WDR7: variants seen among roughly 807,000 people sequenced by gnomAD.
WDR7 encodes WD repeat-containing protein 7.
In WDR7, 46 loss-of-function variants were observed where a neutral mutation model predicts 169.4. The observed-to-expected ratio is 0.27, with a 90% CI of 0.21 to 0.35. WDR7 has a LOEUF of 0.35. WDR7 is among the 10% of genes least tolerant of loss of function. The pLI, the probability that WDR7 is intolerant of heterozygous loss-of-function variation, is 1.00. For missense variants in WDR7, 1,534 were observed against 1,859.3 expected (o/e 0.83, Z 3.22); for synonymous variants, 612 against 666.8 (o/e 0.92, Z 1.27).
At chr18:56,682,643 A>G (rs762415348) in intron 4 of WDR7, 36 bp from the exon 5 acceptor site, 144 of 1,594,792 alleles carry the variant, frequency 9.0e-5, no homozygotes, top group Non-Finnish European at 2.6e-5. Flanking sequence ...AAAGGAGAAC[A>G]CTCAGAAATC....
Position 56,820,339 on chromosome 18 carries a change from CAAA to C in WDR7, c.3304+4218_3304+4220del, listed in dbSNP as rs386387798. ...AAGGGTCAAGAGTCACTGACATTGT[CAAA>C]AAAAAAAAAAAAAAAAAAAAAACCA... is the stretch of plus-strand genomic sequence containing the variant. On this transcript the variant is annotated intron_variant, in intron 20 of 27. Transcript: ENST00000254442. 2.8e-3 allele frequency among the ~76,000 whole-genome samples: 118 copies of C among 42,480 alleles called. 2 individuals carry two copies. Among genetic ancestry groups the C allele is most frequent in the African/African-American group, 0.013 (106 of 8,006 alleles). 27.9% of individuals were successfully genotyped at this position (42,480 alleles called of 152,430 possible). A position where few individuals can be genotyped will look rare whatever the true frequency, so the allele number is the denominator to read the frequency against.
chr18:56,947,217 C>T (rs2047116358), intron 25 of WDR7, among the ~76,000 whole-genome samples: 1 of 152,190 alleles, frequency 6.6e-6, no homozygotes, highest in Non-Finnish European at 1.5e-5. Flanking sequence ...CACAAGACTG[C>T]TGCAGCACTG....
chr18:56,823,535 G>A (rs1256709065), intron 20 of WDR7, among the ~76,000 whole-genome samples: 2 of 152,244 alleles, frequency 1.3e-5, no homozygotes, highest in East Asian at 3.9e-4. Flanking sequence ...GCAGTGAGCT[G>A]AGATCACATC....
chr18:56,916,972 C>T (rs572160172), intron 21 of WDR7, among the ~76,000 whole-genome samples: 40 of 151,592 alleles, frequency 2.6e-4, no homozygotes, highest in Admixed American at 1.6e-3. Flanking sequence ...CCGAGGCAGG[C>T]GGATCATGAG....
Position 56,816,028 on chromosome 18 carries a change from T to C in WDR7, c.3191-3T>C. The C allele has an allele frequency of 6.3e-7, 1 of 1,582,060 alleles. No individual in the cohort carries two copies. The highest frequency in any genetic ancestry group is 8.6e-7 in the Non-Finnish European group (1 of 1,169,448). On this transcript the variant is annotated splice_polypyrimidine_tract_variant and splice_region_variant and intron_variant, in intron 19 of 27. Transcript: ENST00000254442. ...GAAGCCTTGTGATTCATATTTGTTTTAGCTGGAGTCACATCAGAAGCCGCG... is the reference window on the plus strand; with the variant it reads ...GAAGCCTTGTGATTCATATTTGTTTCAGCTGGAGTCACATCAGAAGCCGCG...
chr18:56,703,290 A>C (rs1400405083), intron 12 of WDR7, among the ~76,000 whole-genome samples: 1 of 152,234 alleles, frequency 6.6e-6, no homozygotes. Flanking sequence ...AGTAAGGGCA[A>C]TTGACAAATT....
At chr18:56,817,415 G>A (rs113211552) in intron 20 of WDR7, among the ~76,000 whole-genome samples, 8,035 of 151,618 alleles carry the variant, frequency 0.053, 316 homozygotes, top group Non-Finnish European at 0.075. Flanking sequence ...CCCACCCTCC[G>A]TGATAGGTAG....
chr18:56,854,287 G>A (rs62100602), intron 20 of WDR7, among the ~76,000 whole-genome samples: 4,618 of 152,248 alleles, frequency 0.03, 104 homozygotes, highest in Non-Finnish European at 0.043. Flanking sequence ...CCTCCTCTTC[G>A]AGTTAATTAA....
At chr18:56,887,771 T>A (rs1465205962) in intron 21 of WDR7, among the ~76,000 whole-genome samples, 4 of 152,208 alleles carry the variant, frequency 2.6e-5, no homozygotes, top group Non-Finnish European at 1.5e-5. Context: ...TTAATTAAAT[T>A]TAAATTTATC....
chr18:56,882,249 A>AT (rs779742017), intron 21 of WDR7, among the ~76,000 whole-genome samples: 2 of 152,238 alleles, frequency 1.3e-5, no homozygotes, highest in Non-Finnish European at 2.9e-5. Flanking sequence ...AGGACTTAAC[A>AT]TATGTAGAGC....
chr18:56,801,181 T>G (rs1218651054), intron 19 of WDR7, among the ~76,000 whole-genome samples: 2 of 152,240 alleles, frequency 1.3e-5, no homozygotes, highest in Non-Finnish European at 2.9e-5. Context: ...AATATTTACT[T>G]ATTTTTTCAA....
chr18:56,654,547 C>T (rs533046074), intron 1 of WDR7, among the ~76,000 whole-genome samples: 18 of 152,098 alleles, frequency 1.2e-4, no homozygotes, highest in Non-Finnish European at 2.1e-4. Flanking sequence ...TGTTGATTTG[C>T]GGACATTTCT....
At chr18:56,969,979 T>C (rs1424874312) in intron 26 of WDR7, among the ~76,000 whole-genome samples, 1 of 152,224 alleles carries the variant, frequency 6.6e-6, no homozygotes, top group Non-Finnish European at 1.5e-5. Flanking sequence ...CTTAGTTTTG[T>C]GGCTTTGAGC....
rs368672914 is a variant in WDR7, at chr18:56,930,522, A to C, written c.3714-5266A>C. On this transcript the variant is annotated intron_variant, in intron 22 of 27. Transcript: ENST00000254442. ...ATTTAGCATACAGGAAATAGATCTT[A>C]AAGATACACATTTAAGGGAGGAATT... Among the ~76,000 whole-genome samples, 265 of 152,354 alleles carry C rather than the reference A, an allele frequency of 1.7e-3. 1 individual carries two copies. Among genetic ancestry groups the C allele is most frequent in the African/African-American group, 6.1e-3 (255 of 41,576 alleles).
intron 13 of WDR7, among the ~76,000 whole-genome samples, chr18:56,727,474 C>A (rs1024979362): frequency 6.6e-6 from 1 of 152,020 alleles, no homozygotes; most frequent in Non-Finnish European, 1.5e-5. Flanking sequence ...TTGGGGAGGC[C>A]TCAGGAAACT....
chr18:56,941,191 T>A (rs1376180522), intron 25 of WDR7, among the ~76,000 whole-genome samples: 2 of 152,122 alleles, frequency 1.3e-5, no homozygotes, highest in Non-Finnish European at 2.9e-5. Context: ...CTTCTTCCTA[T>A]GCTGGAGTAG....
intron 20 of WDR7, among the ~76,000 whole-genome samples, chr18:56,838,084 G>T (rs2045422397): frequency 1.2e-5 from 1 of 82,566 alleles, no homozygotes; most frequent in Non-Finnish European, 2.2e-5. Context: ...AAGAATAAGA[G>T]TGAAGAGTGT....
intron 14 of WDR7, among the ~76,000 whole-genome samples, chr18:56,742,852 A>G (rs1025441412): frequency 1.3e-5 from 2 of 152,118 alleles, no homozygotes; most frequent in Admixed American, 6.5e-5. Context: ...ACGTGCGGGG[A>G]GACAGGTGTG....
chr18:56,841,524 C>G (rs1468451595), intron 20 of WDR7, among the ~76,000 whole-genome samples: 2 of 143,602 alleles, frequency 1.4e-5, no homozygotes, highest in Admixed American at 1.4e-4. Context: ...CCAGCCTGGA[C>G]GACAGAGTGA....
Sources: allele counts gnomAD v4.1 joint callset (sites outside exome capture counted in the v4.1 genomes callset), GRCh38; gene constraint gnomAD v4.1.1; transcripts MANE v1.5; gene names NCBI Gene and HGNC (gene_info 2026-07-23, HGNC 2026-07-21).